The following ADAD2 variants were observed in gnomAD, a reference collection of about 807,000 sequenced individuals.
The protein encoded by ADAD2 is adenosine deaminase domain-containing protein 2.
A neutral mutation model predicts 54.5 loss-of-function variants in ADAD2; 60 were observed. The observed-to-expected ratio is 1.10, with a 90% CI of 0.89 to 1.36. The LOEUF (loss-of-function observed/expected upper bound fraction) is 1.36. Ranked by LOEUF, ADAD2 falls within the 40% of genes most tolerant of loss-of-function variation. The probability of loss-of-function intolerance (pLI) is 0.00; values close to 1 mark genes in which losing one functional copy is unlikely to be tolerated. For synonymous variants in ADAD2, 543 were observed against 366.2 expected, an observed-to-expected ratio of 1.48 and a Z score of -5.51; for missense variants, 1,103 against 801.3, an observed-to-expected ratio of 1.38 and a Z score of -4.54.
chr16:84,195,794 C>T, intron 6 of ADAD2, 21 bp from the exon 7 acceptor site: 2 of 1,576,880 alleles, frequency 1.3e-6, no homozygotes, highest in East Asian at 4.5e-5. Context: ...AAGCTGATGT[C>T]TGTCCCCACC....
intron 1 of ADAD2, among the ~76,000 whole-genome samples, chr16:84,192,223 C>G (rs1475704707): frequency 6.6e-6 from 1 of 152,204 alleles, no homozygotes; most frequent in East Asian, 1.9e-4. Context: ...TGCCTCACTG[C>G]AGCGTCCGCC....
chr16:84,191,349 A>C lies in ADAD2; in HGVS notation c.119A>C (p.Gln40Pro), dbSNP rs202112181. The C allele has an allele frequency of 2.0e-4, 312 of 1,570,424 alleles. No homozygotes were observed. In the African/African-American group the frequency reaches 3.4e-3, roughly 17 times the overall value. ...RPWRPLPAQA[Q>P]SAWGPAPAPA... Reference sequence around the variant, plus strand: ...TGGCGACCGCTACCCGCCCAGGCCCAAAGTGCCTGGGGGCCCGCGCCCGCG... The same window carrying C: ...TGGCGACCGCTACCCGCCCAGGCCCCAAGTGCCTGGGGGCCCGCGCCCGCG... Residue 40 changes from glutamine to proline, a missense_variant, in exon 1 of 10, where the codon CAA becomes CCA. Physicochemically the swap from Gln to Pro is moderately conservative, Grantham distance 76. Coordinates refer to ENST00000315906, the MANE Select transcript of ADAD2 (RefSeq NM_001145400.2).
intron 8 of ADAD2, 125 bp from the exon 9 acceptor site, chr16:84,196,522 C>T: frequency 6.5e-7 from 1 of 1,548,838 alleles, no homozygotes; most frequent in East Asian, 2.3e-5. Context: ...GTGGCCACAC[C>T]TCTGTCTGCC....
chr16:84,191,659 G>T lies in ADAD2; in HGVS notation c.418+11G>T. 1 of 1,554,776 alleles carries T rather than the reference G, an allele frequency of 6.4e-7. No homozygotes were observed. On this transcript the variant is annotated intron_variant, in intron 1 of 9. Coordinates refer to ENST00000315906, the MANE Select transcript of ADAD2 (RefSeq NM_001145400.2). Reference sequence around the variant, plus strand: ...AGGACCAGCCACCAGGTGAGGCCGGGCCGGGGCATGGCTGTGCCAGAGGGC... The same window carrying T: ...AGGACCAGCCACCAGGTGAGGCCGGTCCGGGGCATGGCTGTGCCAGAGGGC...
Position 84,194,468 on chromosome 16 carries a change from G to T in ADAD2, c.445G>T (p.Ala149Ser). The change falls in exon 2 of 10, where the codon GCG becomes TCG. Residue 149 changes from alanine to serine, a missense_variant. Ala to Ser is a moderately conservative substitution (Grantham distance 99, BLOSUM62 1). Coordinates refer to ENST00000315906, the MANE Select transcript of ADAD2 (RefSeq NM_001145400.2). ...PGPCFPFSVSAELDGVVCPAG... is the reference protein window; with the variant it reads ...PGPCFPFSVSSELDGVVCPAG... ...TCCCTGCTTCCCCTTCTCGGTGAGC[G>T]CGGAACTGGATGGGGTGGTCTGCCC... is the stretch of plus-strand genomic sequence containing the variant. 6.2e-7 allele frequency: 1 copy of T among 1,608,864 alleles called. No individual in the cohort carries two copies. The highest frequency in any genetic ancestry group is 8.5e-7 in the Non-Finnish European group (1 of 1,179,660).
In ADAD2 at chr16:84,194,454, C is replaced by G. The variant is rs775803233; in HGVS notation, c.431C>G (p.Pro144Arg). ...GCTCCTTCCCCAGGTCCCTGCTTCC[C>G]CTTCTCGGTGAGCGCGGAACTGGAT... ...REDQPPGPCF[P>R]FSVSAELDGV... The change falls in exon 2 of 10, where the codon CCC (proline) becomes CGC (arginine). Residue 144 changes from proline to arginine, a missense_variant. Transcript: ENST00000315906. The G allele has an allele frequency of 3.1e-6, 5 of 1,606,142 alleles. No individual in the cohort carries two copies. In the African/African-American group the frequency reaches 5.3e-5, roughly 17 times the overall value.
chr16:84,191,769 G>A (rs1014337653), intron 1 of ADAD2, 121 bp downstream of exon 1: 61 of 1,414,846 alleles, frequency 4.3e-5, no homozygotes, highest in African/African-American at 9.9e-5. Flanking sequence ...CAGAGACACC[G>A]CCGGAGCAGG....
At position 84,191,381 on chromosome 16, in the gene ADAD2, ACGTATCGCGCGGAGGGCGGGTG is replaced by A. The variant is rs1439427527; in HGVS notation, c.152_173del (p.Thr51SerfsTer7). The A allele has an allele frequency of 2.0e-6, 3 of 1,517,594 alleles. No individual in the cohort carries two copies. Among genetic ancestry groups the A allele is most frequent in the Non-Finnish European group, 2.6e-6 (3 of 1,138,056 alleles). 94.0% of individuals were successfully genotyped at this position (1,517,594 alleles called of 1,614,324 possible). ...CTGGGGGCCCGCGCCCGCGCCCGCG[ACGTATCGCGCGGAGGGCGGGTG>A]GCCCCAGGTCTCGGTGTTGAGGGAC... On this transcript the variant is annotated frameshift_variant, in exon 1 of 10. Coordinates refer to ENST00000315906, the MANE Select transcript of ADAD2 (RefSeq NM_001145400.2). LOFTEE classifies it high-confidence loss of function.
chr16:84,191,193 G>A lies in ADAD2; in HGVS notation c.-38G>A, dbSNP rs771632230. On this transcript the variant is annotated 5_prime_UTR_variant, in exon 1 of 10. Transcript: ENST00000315906. ...GCGTGTGAAAGGGCGAGAGCAGCGC[G>A]AGATAGGGCCTAGCGCCTCAGATCT... 44 of 1,586,528 alleles carry A rather than the reference G, an allele frequency of 2.8e-5. No individual in the cohort carries two copies. Among genetic ancestry groups the A allele is most frequent in the Admixed American group, 5.3e-5 (3 of 56,574 alleles).
In ADAD2 at chr16:84,194,947, T is replaced by C. The variant is rs775891609; in HGVS notation, c.574T>C (p.Ser192Pro). The change falls in exon 3 of 10, where the codon TCC (serine) becomes CCC (proline). Residue 192 changes from serine (S) to proline (P), a missense_variant. Ser to Pro is a moderately conservative substitution (Grantham distance 74). Coordinates refer to ENST00000315906, the MANE Select transcript of ADAD2 (RefSeq NM_001145400.2). ...GCCTCTTTCAGAGTCCCCCCAGACC[T>C]CCAGCCGGCCTCCACTGGCCCCCCT... is the stretch of plus-strand genomic sequence containing the variant. ...QLENPESPQT[S>P]SRPPLAPLSV... 1 of 1,611,598 alleles carries C rather than the reference T, an allele frequency of 6.2e-7. No individual in the cohort carries two copies. Among genetic ancestry groups the C allele is most frequent in the Admixed American group, 1.7e-5 (1 of 59,832 alleles).
rs902183804 is a variant in ADAD2, at chr16:84,196,432, G to C, written c.1526+62G>C. 2.6e-4 allele frequency: 410 copies of C among 1,567,834 alleles called. 1 individual carries two copies. The highest frequency in any genetic ancestry group is 3.4e-4 in the Non-Finnish European group (396 of 1,158,298). ...TGCTGGTGATGGAGGGCTCATGCATGAGCTTCCTCACCTCAGTCTAATCCC... is the reference window on the plus strand; with the variant it reads ...TGCTGGTGATGGAGGGCTCATGCATCAGCTTCCTCACCTCAGTCTAATCCC... On this transcript the variant is annotated intron_variant, in intron 8 of 9. Coordinates refer to ENST00000315906, the MANE Select transcript of ADAD2 (RefSeq NM_001145400.2).
At chr16:84,194,167 C>T in intron 1 of ADAD2, 1 of 1,603,152 alleles carries the variant, frequency 6.2e-7, no homozygotes, top group Non-Finnish European at 8.5e-7. Flanking sequence ...AAACCGCCTG[C>T]CGTTTCTGCT....
chr16:84,196,269 C>T lies in ADAD2; in HGVS notation c.1425C>T (p.Ser475=), dbSNP rs114625899. The part of the protein sequence containing the change: ...HLFAGPPVAP[S]EPTPDTCRGL... ...TTGCAGGGCCCCCGGTGGCCCCTTC[C>T]GAACCCACCCCTGACACCTGCCGTG... Residue 475 remains serine, a synonymous_variant, in exon 8 of 10, where the codon TCC becomes TCT. Coordinates refer to ENST00000315906, the MANE Select transcript of ADAD2 (RefSeq NM_001145400.2). 9.3e-4 allele frequency: 1,502 copies of T among 1,612,830 alleles called. 16 individuals are homozygous for T. The African/African-American group carries it at 0.015, about 17-fold the overall frequency.
In ADAD2 at chr16:84,196,921, C is replaced by G; in HGVS notation, c.1699C>G (p.Gln567Glu). ...GCAGCTGTCTCTCCTCCTGGACCAG[C>G]AGGGCCTGGGGGCTTGGCCCTCGAA... is the stretch of plus-strand genomic sequence containing the variant. ...RRQLSLLLDQ[Q>E]GLGAWPSKPL... is the part of the protein sequence containing the mutation. Residue 567 changes from glutamine to glutamate, a missense_variant, in exon 10 of 10, where the codon CAG becomes GAG. Gln to Glu is a conservative substitution (Grantham distance 29, BLOSUM62 2). Coordinates refer to ENST00000315906, the MANE Select transcript of ADAD2 (RefSeq NM_001145400.2). 1 of 1,604,650 alleles carries G rather than the reference C, an allele frequency of 6.2e-7. No individual in the cohort carries two copies. Among genetic ancestry groups the G allele is most frequent in the Non-Finnish European group, 8.5e-7 (1 of 1,176,654 alleles).
chr16:84,194,488 C>G lies in ADAD2; in HGVS notation c.465C>G (p.Val155=). The stretch of plus-strand genomic sequence containing the variant: ...TGAGCGCGGAACTGGATGGGGTGGT[C>G]TGCCCTGCGGGCACTGCGAATAGCA... ...FSVSAELDGV[V]CPAGTANSKT... The change falls in exon 2 of 10, where the codon GTC becomes GTG. Residue 155 remains valine, a synonymous_variant. Coordinates refer to ENST00000315906, the MANE Select transcript of ADAD2 (RefSeq NM_001145400.2). 2 of 1,611,468 alleles carry G rather than the reference C, an allele frequency of 1.2e-6. No homozygotes were observed. The highest frequency in any genetic ancestry group is 1.7e-6 in the Non-Finnish European group (2 of 1,179,728).
Position 84,195,449 on chromosome 16 carries a change from G to T in ADAD2, c.884+3G>T. ...ATCGCCCGCAGGGCCCTGCTGAGGT[G>T]AGGGGCAGTGGGGTGGGCGCCTGAT... On this transcript the variant is annotated splice_donor_region_variant and intron_variant, in intron 5 of 9. Coordinates refer to ENST00000315906, the MANE Select transcript of ADAD2 (RefSeq NM_001145400.2). 1 of 1,609,240 alleles carries T rather than the reference G, an allele frequency of 6.2e-7. No individual in the cohort carries two copies.
At position 84,195,313 on chromosome 16, in the gene ADAD2, G is replaced by T. The variant is rs773416816; in HGVS notation, c.751G>T (p.Gly251Cys). The change falls in exon 5 of 10, where the codon GGC (glycine) becomes TGC (cysteine). Residue 251 changes from glycine (G) to cysteine (C), a missense_variant. Coordinates refer to ENST00000315906, the MANE Select transcript of ADAD2 (RefSeq NM_001145400.2). ...CTGCACAGAGATCCCGCGTGCCAGG[G>T]GCCACGTGAAGGAGATCTACAAGCT... is the stretch of plus-strand genomic sequence containing the variant. ...ILEREIPRARGHVKEIYKLVA... is the reference protein window; with the variant it reads ...ILEREIPRARCHVKEIYKLVA... The T allele has an allele frequency of 6.2e-7, 1 of 1,611,158 alleles. No homozygotes were observed. Among genetic ancestry groups the T allele is most frequent in the Admixed American group, 1.7e-5 (1 of 59,958 alleles).
rs1227316808 is a variant in ADAD2 at position 84,191,467 on chromosome 16, G to T, written c.237G>T (p.Gly79=). The part of the protein sequence containing the change: ...PGAGAGVGEL[G]AARAWENLGE... ...CAGGGGCCGGAGTCGGGGAACTGGG[G>T]GCAGCCCGGGCGTGGGAAAACTTGG... The change falls in exon 1 of 10, where the codon GGG becomes GGT. Residue 79 remains glycine (G), a synonymous_variant. Transcript: ENST00000315906. The T allele has an allele frequency of 6.5e-7, 1 of 1,533,308 alleles. No homozygotes were observed. The highest frequency in any genetic ancestry group is 8.8e-7 in the Non-Finnish European group (1 of 1,142,240). 95.0% of individuals were successfully genotyped at this position (1,533,308 alleles called of 1,614,324 possible). A position where few individuals can be genotyped will look rare whatever the true frequency, so the allele number is the denominator to read the frequency against.
chr16:84,194,307 C>T (rs765356764), intron 1 of ADAD2, 135 bp from the exon 2 acceptor site: 119 of 1,546,144 alleles, frequency 7.7e-5, no homozygotes, highest in Non-Finnish European at 9.3e-5. Flanking sequence ...ATGGAGCCTG[C>T]TGGAGGAAGG....
Sources: allele counts gnomAD v4.1 joint callset (sites outside exome capture counted in the v4.1 genomes callset), GRCh38; gene constraint gnomAD v4.1.1; transcripts MANE v1.5; gene names NCBI Gene and HGNC (gene_info 2026-07-23, HGNC 2026-07-21).